The following CCDC82 variants were observed in gnomAD, a reference collection of about 807,000 sequenced individuals.
CCDC82 encodes coiled-coil domain-containing protein 82.
A neutral mutation model predicts 60.6 loss-of-function variants in CCDC82; 47 were observed. The ratio of observed to expected loss-of-function variants is 0.77; its 90% CI spans 0.61 to 0.99. The LOEUF (loss-of-function observed/expected upper bound fraction) is 0.99, where lower values mean the gene tolerates loss of function less well. CCDC82 is among the 50% of genes least tolerant of loss of function. The pLI is 0.00. For synonymous variants in CCDC82, 212 were observed against 207.4 expected (o/e 1.02, Z -0.19); for missense variants, 588 against 633.0 (o/e 0.93, Z 0.76).
intron 2 of CCDC82, 113 bp from the exon 3 acceptor site, chr11:96,386,406 G>A (rs980015074): frequency 6.6e-6 from 1 of 152,056 alleles, no homozygotes; most frequent in Admixed American, 6.6e-5. Context: ...AAATCAGAAC[G>A]GGGGCTGCCA....
At chr11:96,362,433 GT>G (rs1864713238) in intron 8 of CCDC82, among the ~76,000 whole-genome samples, 1 of 152,060 alleles carries the variant, frequency 6.6e-6, no homozygotes, top group Non-Finnish European at 1.5e-5. Context: ...TTGGTTTTTT[GT>G]TTGTTTTTTG....
chr11:96,357,119 C>T, intron 9 of CCDC82: 1 of 985,364 alleles, frequency 1.0e-6, no homozygotes, highest in South Asian at 4.7e-5. Context: ...CAAAGGCACA[C>T]AGTGAGAGGG....
chr11:96,363,271 T>C (rs1864767210), intron 8 of CCDC82: 1 of 152,256 alleles, frequency 6.6e-6, no homozygotes, highest in African/African-American at 2.4e-5. Flanking sequence ...ATCTTTTTAA[T>C]GCTCTGGATC....
chr11:96,367,826 T>C (rs1340523796), intron 7 of CCDC82, among the ~76,000 whole-genome samples: 1 of 149,608 alleles, frequency 6.7e-6, no homozygotes, highest in African/African-American at 2.5e-5. Flanking sequence ...ATTTCTTTTT[T>C]TTTTTTTTTT....
Position 96,358,977 on chromosome 11 carries a change from C to T in CCDC82, c.1566+16G>A, listed in dbSNP as rs1448806201. 2 of 1,584,838 alleles carry T rather than the reference C, an allele frequency of 1.3e-6. No homozygotes were observed. Among genetic ancestry groups the T allele is most frequent in the African/African-American group, 2.7e-5 (2 of 73,136 alleles). The stretch of plus-strand genomic sequence containing the variant: ...TTCAGAATCTACATGATAAGATTCT[C>T]ATATATTCACCTTACCTCCTTAATC... On this transcript the variant is annotated intron_variant, in intron 9 of 9. Coordinates refer to ENST00000646818, the MANE Select transcript of CCDC82 (RefSeq NM_024725.4).
chr11:96,376,148 G>GT (rs1264667054), intron 5 of CCDC82, among the ~76,000 whole-genome samples: 1 of 152,114 alleles, frequency 6.6e-6, no homozygotes. Flanking sequence ...TCATTTGGTA[G>GT]TCTAATCATT....
Position 96,371,137 on chromosome 11 carries a change from T to C in CCDC82, c.1085A>G (p.Asp362Gly), listed in dbSNP as rs1343622377. 4.4e-6 allele frequency: 7 copies of C among 1,585,092 alleles called. No individual in the cohort carries two copies. In the East Asian group the frequency reaches 6.9e-5, roughly 16 times the overall value. Residue 362 changes from aspartate to glycine, a missense_variant and splice_region_variant, in exon 7 of 10, where the codon GAT becomes GGT. Transcript: ENST00000646818. ...LDESFLGTLYDGTRQKSYAKD... is the reference protein window; with the variant it reads ...LDESFLGTLYGGTRQKSYAKD... Reference sequence around the variant, plus strand: ...TGCATATGATTTTTGCCTTGTGCCATCTGTTCAGGGGATAAACAACAAAAA... The same window carrying C: ...TGCATATGATTTTTGCCTTGTGCCACCTGTTCAGGGGATAAACAACAAAAA...
Position 96,353,395 on chromosome 11 carries a change from CATT to C in CCDC82, c.*248_*250del. On this transcript the variant is annotated 3_prime_UTR_variant, in exon 10 of 10. Coordinates refer to ENST00000646818, the MANE Select transcript of CCDC82 (RefSeq NM_024725.4). The stretch of plus-strand genomic sequence containing the variant: ...ACTTGACAGTCATCTGTTATAAAGC[CATT>C]ATTATATAACTTTAAAATATATTTA... 1 of 366,696 alleles carries C rather than the reference CATT, an allele frequency of 2.7e-6. No individual in the cohort carries two copies. The allele number at this position is 366,696 out of a possible 1,614,324, so 22.7% of individuals were successfully genotyped here.
chr11:96,382,252 C>T (rs1565320585), intron 5 of CCDC82: 1 of 151,740 alleles, frequency 6.6e-6, no homozygotes, highest in South Asian at 2.1e-4. Context: ...GGGAATCTGT[C>T]AGACTTTTCT....
intron 5 of CCDC82, among the ~76,000 whole-genome samples, chr11:96,374,885 A>G (rs1865486086): frequency 6.6e-6 from 1 of 152,134 alleles, no homozygotes; most frequent in Admixed American, 6.5e-5. Flanking sequence ...TTCATTTTGG[A>G]TTGTAATTTA....
intron 7 of CCDC82, among the ~76,000 whole-genome samples, chr11:96,369,547 G>A (rs1217617178): frequency 1.3e-5 from 2 of 152,194 alleles, no homozygotes; most frequent in Non-Finnish European, 2.9e-5. Context: ...CAGCCAGTTG[G>A]TGGAGCAGTC....
Position 96,384,279 on chromosome 11 carries a change from C to T in CCDC82, c.469G>A (p.Asp157Asn), listed in dbSNP as rs953787101. The T allele has an allele frequency of 6.2e-7, 1 of 1,613,728 alleles. No individual in the cohort carries two copies. The highest frequency in any genetic ancestry group is 8.5e-7 in the Non-Finnish European group (1 of 1,179,824). The change falls in exon 4 of 10, where the codon GAT becomes AAT. Residue 157 changes from aspartate to asparagine, a missense_variant. Asp to Asn is a conservative substitution (Grantham distance 23). Coordinates refer to ENST00000646818, the MANE Select transcript of CCDC82 (RefSeq NM_024725.4). ...CCAGTTTGTTTGTTGAGATCATTATCCTCTTGACTTAAATGTTTTTCCTGA... is the reference window on the plus strand; with the variant it reads ...CCAGTTTGTTTGTTGAGATCATTATTCTCTTGACTTAAATGTTTTTCCTGA... ...DDQEKHLSQE[D>N]NDLNKQTGQI...
chr11:96,388,365 T>TAATAATACACTTAATTTC (rs1866323228), intron 1 of CCDC82: 1 of 152,192 alleles, frequency 6.6e-6, no homozygotes, highest in Non-Finnish European at 1.5e-5. Context: ...TTATCGAGCT[T>TAATAATACACTTAATTTC]CTGTAATGAT....
At chr11:96,387,069 C>A (rs190853550) in intron 2 of CCDC82, 1 of 152,154 alleles carries the variant, frequency 6.6e-6, no homozygotes, top group South Asian at 2.1e-4. Context: ...CATATGTGCA[C>A]GTGTAGTATA....
chr11:96,360,439 C>T (rs4315032), intron 8 of CCDC82, among the ~76,000 whole-genome samples: 53,441 of 151,248 alleles, frequency 0.35, 9,681 homozygotes, highest in Non-Finnish European at 0.39. Flanking sequence ...TCGTGATCTG[C>T]CCACCTCGGC....
chr11:96,367,147 G>A lies in CCDC82; in HGVS notation c.1210-1997C>T, dbSNP rs1368931151. Among the ~76,000 whole-genome samples, 3 of 152,222 alleles carry A rather than the reference G, an allele frequency of 2.0e-5. No individual in the cohort carries two copies. In the East Asian group the frequency reaches 5.8e-4, roughly 29 times the overall value. On this transcript the variant is annotated intron_variant, in intron 7 of 9. Transcript: ENST00000646818. ...GACTGATAAGGGGCTAGTTGCTGAAGGCTGGGGTAGCTGTGGCAATTTCTT... is the reference window on the plus strand; with the variant it reads ...GACTGATAAGGGGCTAGTTGCTGAAAGCTGGGGTAGCTGTGGCAATTTCTT...
chr11:96,362,429 TTTTG>T (rs888849302), intron 8 of CCDC82, among the ~76,000 whole-genome samples: 4 of 152,212 alleles, frequency 2.6e-5, no homozygotes, highest in African/African-American at 7.2e-5. Context: ...TTGTTTGGTT[TTTTG>T]TTTGTTTTTT....
intron 9 of CCDC82, chr11:96,357,330 A>T: frequency 1.0e-6 from 1 of 985,408 alleles, no homozygotes; most frequent in Non-Finnish European, 1.2e-6. Context: ...CATGGGGAAA[A>T]AAATGTGTAT....
chr11:96,384,858 T>C (rs1866104825), intron 3 of CCDC82, 97 bp from the exon 4 acceptor site: 1 of 748,332 alleles, frequency 1.3e-6, no homozygotes, highest in Non-Finnish European at 2.0e-6. Flanking sequence ...CTTTATTTAA[T>C]GGTCCACAAA....
Sources: allele counts gnomAD v4.1 joint callset (sites outside exome capture counted in the v4.1 genomes callset), GRCh38; gene constraint gnomAD v4.1.1; transcripts MANE v1.5; gene names NCBI Gene and HGNC (gene_info 2026-07-23, HGNC 2026-07-21).